Variants in RYR2 observed in about 807,000 individuals in gnomAD.
RYR2 encodes the protein ryanodine receptor 2.
In RYR2, 227 loss-of-function variants were observed where a neutral mutation model predicts 601.1. That is an observed-to-expected ratio of 0.38 (90% CI 0.34 to 0.42). The LOEUF (loss-of-function observed/expected upper bound fraction) is 0.42, where lower values mean the gene tolerates loss of function less well. RYR2 is among the 10% of genes least tolerant of loss of function. The pLI is 1.00. For synonymous variants in RYR2, 2,223 were observed against 2,175.1 expected (o/e 1.02, Z -0.61); for missense variants, 4,646 against 6,156.5 (o/e 0.75, Z 8.21).
intron 26 of RYR2, among the ~76,000 whole-genome samples, chr1:237,548,862 CTG>C (rs1230545013): frequency 6.6e-6 from 1 of 152,096 alleles, no homozygotes; most frequent in African/African-American, 2.4e-5. Context: ...CTCTCTGAGA[CTG>C]TATTTTAGGA....
rs141508283 is a variant in RYR2, at chr1:237,321,268, A to T, written c.169-9610A>T. Among the ~76,000 whole-genome samples the T allele has an allele frequency of 3.3e-3, 498 of 152,242 alleles. 1 individual carries two copies. The highest frequency in any genetic ancestry group is 0.02 in the Middle Eastern group (6 of 294). On this transcript the variant is annotated intron_variant, in intron 2 of 104. Transcript: ENST00000366574. ...TTATTACTTGTATAATTGTCTCTAC[A>T]TTTTTTTATATTCTTGAAACTGCAT...
Position 237,106,605 on chromosome 1 carries a change from G to A in RYR2, c.48+64036G>A, listed in dbSNP as rs909257503. Among the ~76,000 whole-genome samples the A allele has an allele frequency of 6.6e-6, 1 of 152,182 alleles. No homozygotes were observed. The highest frequency in any genetic ancestry group is 1.5e-5 in the Non-Finnish European group (1 of 68,036). On this transcript the variant is annotated intron_variant, in intron 1 of 104. Coordinates refer to ENST00000366574, the MANE Select transcript of RYR2 (RefSeq NM_001035.3). The surrounding 1 kb of genome is among the most constrained non-coding windows in gnomAD (Gnocchi z 4.4). ...GGGAGGTGGTTAGTGTGGACTTCTG[G>A]AGAGAGGGCTGAAACTGTCCTTGAA...
intron 1 of RYR2, among the ~76,000 whole-genome samples, chr1:237,149,858 TGTGA>T (rs1480628675): frequency 1.3e-5 from 2 of 152,010 alleles, no homozygotes; most frequent in Admixed American, 6.6e-5. Context: ...AGAAGATAGA[TGTGA>T]GTATTTTCAA....
rs1060500142 is a variant in RYR2 at position 237,330,939 on chromosome 1, C to T, written c.230C>T (p.Ala77Val). The change falls in exon 3 of 105, where the codon GCG (alanine) becomes GTG (valine). Residue 77 changes from alanine to valine, a missense_variant. Transcript: ENST00000366574. Reference protein sequence around the residue: ...FVLEQSLSVRALQEMLANTVE... With the variant: ...FVLEQSLSVRVLQEMLANTVE... ...CTGGAGCAGTCCCTCTCTGTCCGGG[C>T]GCTGCAGGAGATGCTGGCTAACACC... is the stretch of plus-strand genomic sequence containing the variant. 1.9e-6 allele frequency: 3 copies of T among 1,613,978 alleles called. No individual in the cohort carries two copies. The highest frequency in any genetic ancestry group is 1.1e-5 in the South Asian group (1 of 91,076).
At chr1:237,259,669 C>G (rs1382629651) in intron 1 of RYR2, among the ~76,000 whole-genome samples, 3 of 152,110 alleles carry the variant, frequency 2.0e-5, no homozygotes, top group Non-Finnish European at 4.4e-5. Context: ...ATACAGTAAA[C>G]ATGTGAAAGG....
At chr1:237,057,037 G>C (rs1269613907) in intron 1 of RYR2, among the ~76,000 whole-genome samples, 1 of 152,200 alleles carries the variant, frequency 6.6e-6, no homozygotes, top group African/African-American at 2.4e-5. Flanking sequence ...AAAGCTAGAA[G>C]TGTGGATTTA....
intron 87 of RYR2, among the ~76,000 whole-genome samples, chr1:237,776,228 T>A (rs376281790): frequency 6.6e-6 from 1 of 152,128 alleles, no homozygotes; most frequent in South Asian, 2.1e-4. Context: ...ATCCTAAAGA[T>A]CTATTGCTTT....
At chr1:237,294,675 A>G (rs534296289) in intron 2 of RYR2, among the ~76,000 whole-genome samples, 6 of 152,168 alleles carry the variant, frequency 3.9e-5, no homozygotes, top group Non-Finnish European at 8.8e-5. Context: ...ACACACGCAT[A>G]TACATTTTCA....
intron 58 of RYR2, among the ~76,000 whole-genome samples, chr1:237,668,643 T>C (rs1286832207): frequency 6.6e-6 from 1 of 152,266 alleles, no homozygotes; most frequent in East Asian, 1.9e-4. Context: ...CAACATTTAT[T>C]TCTTTTGTAA....
rs771526704 is a variant in RYR2, at chr1:237,593,651, A to AT, written c.4436+21dup. 3.7e-6 allele frequency: 6 copies of AT among 1,613,044 alleles called. No individual in the cohort carries two copies. In the African/African-American group the frequency reaches 5.3e-5, roughly 14 times the overall value. ...GTGCATGAAAGGTTAGTTTTCCTCA[A>AT]TTTTTTGCAAGAATGACATGTGAAA... On this transcript the variant is annotated intron_variant, in intron 33 of 104. Transcript: ENST00000366574.
chr1:237,623,384 T>G (rs1679284664), intron 38 of RYR2, among the ~76,000 whole-genome samples: 4 of 106,950 alleles, frequency 3.7e-5, no homozygotes, highest in African/African-American at 1.2e-4. Flanking sequence ...TCTTTCTTTC[T>G]TTTTTTTTTT....
At position 237,555,983 on chromosome 1, in the gene RYR2, G is replaced by A. The variant is rs182820362; in HGVS notation, c.3214+5292G>A. On this transcript the variant is annotated intron_variant, in intron 27 of 104. Coordinates refer to ENST00000366574, the MANE Select transcript of RYR2 (RefSeq NM_001035.3). ...CTTAAGGGCATAAACTATATTCAGT[G>A]ACACATGATACATTTGCTTTTAGAG... Among the ~76,000 whole-genome samples, 391 of 152,194 alleles carry A rather than the reference G, an allele frequency of 2.6e-3. 1 individual carries two copies. The highest frequency in any genetic ancestry group is 9.1e-3 in the African/African-American group (379 of 41,536).
intron 1 of RYR2, among the ~76,000 whole-genome samples, chr1:237,130,886 T>G (rs1183305178): frequency 6.6e-6 from 1 of 152,148 alleles, no homozygotes; most frequent in East Asian, 1.9e-4. Flanking sequence ...ATAGCCCAGC[T>G]GTTCCCTGGC....
chr1:237,196,227 G>A (rs1011352404), intron 1 of RYR2, among the ~76,000 whole-genome samples: 1 of 152,044 alleles, frequency 6.6e-6, no homozygotes, highest in African/African-American at 2.4e-5. Flanking sequence ...TAAATATATT[G>A]AGACAAAATT....
Position 237,819,241 on chromosome 1 carries a change from C to T in RYR2, c.14590+49C>T. On this transcript the variant is annotated intron_variant, in intron 101 of 104. Transcript: ENST00000366574. The surrounding 1 kb of genome is among the most constrained non-coding windows in gnomAD (Gnocchi z 4.0). ...TGATGAACATCTAGAATTTGAGCCACATGTTGCTGAAGTTAATATTCAAGG... is the reference window on the plus strand; with the variant it reads ...TGATGAACATCTAGAATTTGAGCCATATGTTGCTGAAGTTAATATTCAAGG... 6.5e-7 allele frequency: 1 copy of T among 1,545,524 alleles called. No individual in the cohort carries two copies. Among genetic ancestry groups the T allele is most frequent in the Non-Finnish European group, 8.9e-7 (1 of 1,122,390 alleles).
intron 1 of RYR2, among the ~76,000 whole-genome samples, chr1:237,203,955 G>A (rs568515096): frequency 3.3e-5 from 5 of 152,124 alleles, no homozygotes; most frequent in Non-Finnish European, 5.9e-5. Flanking sequence ...GTGTGGGCTC[G>A]TTTGTGTCTG....
At chr1:237,687,364 T>TTG in intron 62 of RYR2, 91 bp from the exon 63 acceptor site, 1 of 522,522 alleles carries the variant, frequency 1.9e-6, no homozygotes, top group Admixed American at 5.2e-5. Flanking sequence ...TTTTTTCTTC[T>TTG]TCTTTTTTTT....
intron 1 of RYR2, among the ~76,000 whole-genome samples, chr1:237,159,176 A>G (rs1322120585): frequency 6.6e-6 from 1 of 152,174 alleles, no homozygotes; most frequent in Non-Finnish European, 1.5e-5. Context: ...CTGTAATCCC[A>G]GCTACTCGGG....
At chr1:237,546,892 C>G (rs1054274235) in intron 25 of RYR2, among the ~76,000 whole-genome samples, 15 of 150,290 alleles carry the variant, frequency 1.0e-4, no homozygotes, top group African/African-American at 3.2e-4. Context: ...TCCCTGCTTT[C>G]AAGGAGCTTG....
Sources: gnomAD v4.1 joint callset for allele counts (sites outside exome capture counted in the v4.1 genomes callset) on GRCh38, gnomAD v4.1.1 for gene constraint, Gnocchi (gnomAD v3.1) non-coding constraint, MANE v1.5 for transcripts, NCBI Gene and HGNC (gene_info 2026-07-23, HGNC 2026-07-21) for gene names.